The following SYT1 variants were observed in gnomAD, a reference collection of about 807,000 sequenced individuals.
SYT1 encodes synaptotagmin-1.
Under a neutral mutation model 44.8 loss-of-function variants are expected in SYT1, and 8 were observed. The observed-to-expected ratio is 0.18, with a 90% CI of 0.10 to 0.32. SYT1 has a LOEUF of 0.32. Among genes scored for constraint, SYT1 ranks in the 10% least tolerant of loss-of-function variants. SYT1 has a pLI of 1.00. For synonymous variants in SYT1, 154 were observed against 188.8 expected (o/e 0.82, Z 1.51); for missense variants, 286 against 509.3 (o/e 0.56, Z 4.22).
chr12:78,936,295 G>A (rs1667135493), intron 1 of SYT1, among the ~76,000 whole-genome samples: 1 of 152,082 alleles, frequency 6.6e-6, no homozygotes, highest in Non-Finnish European at 1.5e-5. Flanking sequence ...GGTTTAATCA[G>A]TATTATCTCT....
chr12:79,102,991 ATAT>A (rs970402742), intron 3 of SYT1: 4 of 152,212 alleles, frequency 2.6e-5, no homozygotes, highest in Middle Eastern at 6.8e-3. Flanking sequence ...TATAAGGTAA[ATAT>A]TATTATTGCC....
At chr12:79,049,513 T>C (rs1377624822) in intron 3 of SYT1, among the ~76,000 whole-genome samples, 1 of 152,026 alleles carries the variant, frequency 6.6e-6, no homozygotes, top group African/African-American at 2.4e-5. Flanking sequence ...ATTTATCCTT[T>C]AAAAATTTTA....
intron 2 of SYT1, among the ~76,000 whole-genome samples, chr12:78,979,904 T>G (rs1460339558): frequency 6.6e-6 from 1 of 152,072 alleles, no homozygotes; most frequent in African/African-American, 2.4e-5. Context: ...CTTTAATATT[T>G]TATATATCTA....
chr12:78,970,944 C>T lies in SYT1; in HGVS notation c.-216-6855C>T, dbSNP rs538652907. Among the ~76,000 whole-genome samples, 45 of 152,156 alleles carry T rather than the reference C, an allele frequency of 3.0e-4. 3 individuals carry two copies. In the South Asian group the frequency reaches 9.1e-3, roughly 31 times the overall value. On this transcript the variant is annotated intron_variant, in intron 1 of 10. Coordinates refer to ENST00000261205, the MANE Select transcript of SYT1 (RefSeq NM_005639.3). ...TAGGTGGATCACCTGAGGTCAAGAGCTCAAGACCAGCCTGGCCAACATGGT... is the reference window on the plus strand; with the variant it reads ...TAGGTGGATCACCTGAGGTCAAGAGTTCAAGACCAGCCTGGCCAACATGGT...
chr12:78,888,118 AT>A (rs1278258616), intron 1 of SYT1, among the ~76,000 whole-genome samples: 1 of 151,938 alleles, frequency 6.6e-6, no homozygotes, highest in Admixed American at 6.6e-5. Context: ...AATCACAGAT[AT>A]TATAATATTT....
At chr12:79,428,851 A>G (rs952477384) in intron 9 of SYT1, among the ~76,000 whole-genome samples, 7 of 152,322 alleles carry the variant, frequency 4.6e-5, no homozygotes, top group Admixed American at 1.3e-4. Flanking sequence ...TCATGGTTCT[A>G]TAGGCTGGAC....
intron 1 of SYT1, among the ~76,000 whole-genome samples, chr12:78,941,226 C>T (rs532757482): frequency 6.6e-6 from 1 of 151,738 alleles, no homozygotes; most frequent in East Asian, 1.9e-4. Flanking sequence ...GCGCCTGCCA[C>T]CACGCCTGGC....
intron 1 of SYT1, among the ~76,000 whole-genome samples, chr12:78,937,519 T>C (rs986444280): frequency 6.6e-6 from 1 of 152,022 alleles, no homozygotes; most frequent in African/African-American, 2.4e-5. Context: ...ACCGTAAACA[T>C]GATGGGGAAT....
At chr12:79,176,836 C>T (rs1871902828) in intron 3 of SYT1, among the ~76,000 whole-genome samples, 1 of 151,854 alleles carries the variant, frequency 6.6e-6, no homozygotes, top group South Asian at 2.1e-4. Context: ...GGGTTTACAA[C>T]CCTACGTAGT....
At chr12:79,181,550 G>A (rs1034330775) in intron 3 of SYT1, among the ~76,000 whole-genome samples, 4 of 151,554 alleles carry the variant, frequency 2.6e-5, no homozygotes, top group Middle Eastern at 3.4e-3. Flanking sequence ...CATATCAACC[G>A]TATACCTTTC....
chr12:79,289,304 T>C (rs1299409690), intron 5 of SYT1, among the ~76,000 whole-genome samples: 1 of 152,212 alleles, frequency 6.6e-6, no homozygotes, highest in Non-Finnish European at 1.5e-5. Context: ...TACAAGCTTT[T>C]TCTTCCGAAT....
chr12:79,390,175 C>T lies in SYT1; in HGVS notation c.928+36556C>T, dbSNP rs192963139. 2.2e-4 allele frequency among the ~76,000 whole-genome samples: 33 copies of T among 152,138 alleles called. No individual in the cohort carries two copies. In the East Asian group the frequency reaches 5.6e-3, roughly 26 times the overall value. ...GTCTCGATCTCCTGACCTTGTGATCCGCCCGCCCCAGCCTCCCAAAGTGCT... is the reference window on the plus strand; with the variant it reads ...GTCTCGATCTCCTGACCTTGTGATCTGCCCGCCCCAGCCTCCCAAAGTGCT... On this transcript the variant is annotated intron_variant, in intron 9 of 10. Transcript: ENST00000261205.
At chr12:79,372,605 AGACCAAACTCCG>A (rs529597887) in intron 9 of SYT1, among the ~76,000 whole-genome samples, 144 of 152,326 alleles carry the variant, frequency 9.5e-4, no homozygotes, top group African/African-American at 3.1e-3. Flanking sequence ...TGAGAAATGT[AGACCAAACTCCG>A]GAAGGCTGAC....
chr12:79,364,127 T>C (rs1883438650), intron 9 of SYT1, among the ~76,000 whole-genome samples: 2 of 152,178 alleles, frequency 1.3e-5, no homozygotes, highest in South Asian at 4.1e-4. Flanking sequence ...ATAATAGAAA[T>C]ATCGGCTCAT....
chr12:79,390,223 G>A (rs961562201), intron 9 of SYT1, among the ~76,000 whole-genome samples: 3 of 152,064 alleles, frequency 2.0e-5, no homozygotes, highest in Admixed American at 6.6e-5. Flanking sequence ...GTGAACCACC[G>A]CGCCCGGCCT....
At chr12:79,053,259 A>G (rs1312239861) in intron 3 of SYT1, among the ~76,000 whole-genome samples, 1 of 152,154 alleles carries the variant, frequency 6.6e-6, no homozygotes, top group Non-Finnish European at 1.5e-5. Flanking sequence ...TCGCAAGGAT[A>G]AAAAACCAAA....
chr12:79,320,000 T>C (rs1881278130), intron 8 of SYT1, among the ~76,000 whole-genome samples: 1 of 152,222 alleles, frequency 6.6e-6, no homozygotes, highest in Admixed American at 6.5e-5. Context: ...GGTACTTGAA[T>C]ATATGAGAAA....
chr12:78,992,493 C>T (rs1011813739), intron 2 of SYT1, among the ~76,000 whole-genome samples: 1 of 152,162 alleles, frequency 6.6e-6, no homozygotes, highest in African/African-American at 2.4e-5. Flanking sequence ...ATGTAAGTTA[C>T]ATCAAATGCA....
intron 3 of SYT1, among the ~76,000 whole-genome samples, chr12:79,213,731 C>G (rs192580232): frequency 1.3e-5 from 2 of 152,220 alleles, no homozygotes; most frequent in East Asian, 3.9e-4. Context: ...TTGAGACCAG[C>G]CTGGCCAACA....
Sources: gnomAD v4.1 joint callset for allele counts (sites outside exome capture counted in the v4.1 genomes callset) on GRCh38, gnomAD v4.1.1 for gene constraint, MANE v1.5 for transcripts, NCBI Gene and HGNC (gene_info 2026-07-23, HGNC 2026-07-21) for gene names.